KIAA0825: variants seen among roughly 807,000 people sequenced by gnomAD.
KIAA0825 encodes KIAA0825.
Under a neutral mutation model 147.6 loss-of-function variants are expected in KIAA0825, and 119 were observed. The observed-to-expected ratio is 0.81, with a 90% CI of 0.69 to 0.94. The LOEUF (loss-of-function observed/expected upper bound fraction) is 0.94, where lower values mean the gene tolerates loss of function less well. KIAA0825 is among the 40% of genes least tolerant of loss of function. The pLI, the probability that KIAA0825 is intolerant of heterozygous loss-of-function variation, is 0.00. For missense variants in KIAA0825, 1,381 were observed against 1,472.7 expected, an observed-to-expected ratio of 0.94 and a Z score of 1.02; for synonymous variants, 470 against 518.1, an observed-to-expected ratio of 0.91 and a Z score of 1.26.
intron 20 of KIAA0825, among the ~76,000 whole-genome samples, chr5:94,355,457 G>A (rs377057536): frequency 5.9e-5 from 9 of 152,198 alleles, no homozygotes; most frequent in South Asian, 2.1e-4. Context: ...AGTAAGTCAC[G>A]ATATATAGAG....
At chr5:94,226,305 C>T (rs1213567990) in intron 20 of KIAA0825, among the ~76,000 whole-genome samples, 3 of 152,068 alleles carry the variant, frequency 2.0e-5, no homozygotes, top group African/African-American at 7.2e-5. Context: ...CAAATCAAAA[C>T]CACAATGAGA....
At chr5:94,439,680 T>G (rs758464808) in intron 14 of KIAA0825, among the ~76,000 whole-genome samples, 1 of 152,168 alleles carries the variant, frequency 6.6e-6, no homozygotes, top group Non-Finnish European at 1.5e-5. Context: ...ATAACTGCAG[T>G]CCTACAATTT....
chr5:94,464,094 C>CCCGT (rs1760188626), intron 11 of KIAA0825, among the ~76,000 whole-genome samples: 1 of 150,968 alleles, frequency 6.6e-6, no homozygotes, highest in South Asian at 2.1e-4. Context: ...AAGAAAGCCT[C>CCCGT]CCGTGTCTGT....
intron 20 of KIAA0825, among the ~76,000 whole-genome samples, chr5:94,227,355 C>T (rs1184400629): frequency 6.6e-6 from 1 of 151,572 alleles, no homozygotes; most frequent in Non-Finnish European, 1.5e-5. Context: ...AATGAGAACA[C>T]ATGGACACAG....
intron 14 of KIAA0825, 111 bp from the exon 15 acceptor site, chr5:94,417,476 T>G: frequency 1.2e-6 from 1 of 811,122 alleles, no homozygotes; most frequent in Non-Finnish European, 1.8e-6. Context: ...TGGTTTTTAA[T>G]AAGATTTACA....
At chr5:94,305,372 T>C (rs911687624) in intron 20 of KIAA0825, among the ~76,000 whole-genome samples, 1 of 151,926 alleles carries the variant, frequency 6.6e-6, no homozygotes, top group Non-Finnish European at 1.5e-5. Flanking sequence ...CATATGACTA[T>C]GGTACCATCA....
chr5:94,265,118 A>G (rs1562340620), intron 20 of KIAA0825, among the ~76,000 whole-genome samples: 1 of 152,158 alleles, frequency 6.6e-6, no homozygotes, highest in Non-Finnish European at 1.5e-5. Context: ...GTTCAGCGAT[A>G]TGAAATTGCC....
At chr5:94,584,261 T>A (rs1649108166) in intron 1 of KIAA0825, among the ~76,000 whole-genome samples, 1 of 152,184 alleles carries the variant, frequency 6.6e-6, no homozygotes, top group Non-Finnish European at 1.5e-5. Context: ...GAGCATGTTC[T>A]AACCCATCGC....
chr5:94,506,786 T>C (rs1426507113), intron 5 of KIAA0825, among the ~76,000 whole-genome samples: 1 of 152,246 alleles, frequency 6.6e-6, no homozygotes, highest in Non-Finnish European at 1.5e-5. Flanking sequence ...TCTCTATCTT[T>C]GGATAGAATA....
intron 5 of KIAA0825, among the ~76,000 whole-genome samples, chr5:94,490,763 A>G (rs1763642361): frequency 6.6e-6 from 1 of 152,180 alleles, no homozygotes; most frequent in African/African-American, 2.4e-5. Flanking sequence ...CACGTAAAGA[A>G]TATAGACTAC....
At chr5:94,405,595 C>A (rs1324989419) in intron 15 of KIAA0825, among the ~76,000 whole-genome samples, 1 of 152,122 alleles carries the variant, frequency 6.6e-6, no homozygotes, top group Admixed American at 6.6e-5. Flanking sequence ...AAATTAGTTT[C>A]TTTGATGCTT....
chr5:94,575,783 G>A (rs1208802079), intron 2 of KIAA0825, among the ~76,000 whole-genome samples: 1 of 152,194 alleles, frequency 6.6e-6, no homozygotes, highest in Non-Finnish European at 1.5e-5. Context: ...TACACATGCC[G>A]GCCTTTGGCT....
At chr5:94,441,970 T>G (rs1346667936) in intron 13 of KIAA0825, among the ~76,000 whole-genome samples, 3 of 152,218 alleles carry the variant, frequency 2.0e-5, no homozygotes, top group African/African-American at 7.2e-5. Context: ...AACTAAAGTT[T>G]TATCTGTTCA....
chr5:94,554,938 T>A (rs1233446917), intron 2 of KIAA0825, among the ~76,000 whole-genome samples: 1 of 151,426 alleles, frequency 6.6e-6, no homozygotes, highest in Non-Finnish European at 1.5e-5. Flanking sequence ...ATAAATTGCC[T>A]CTCTATATAG....
intron 5 of KIAA0825, among the ~76,000 whole-genome samples, chr5:94,494,261 T>A (rs937723487): frequency 1.1e-4 from 16 of 152,094 alleles, no homozygotes; most frequent in Middle Eastern, 3.4e-3. Context: ...AAATCTGACT[T>A]CTTGCTCATT....
intron 20 of KIAA0825, among the ~76,000 whole-genome samples, chr5:94,232,142 T>C (rs1774745842): frequency 6.6e-6 from 1 of 152,094 alleles, no homozygotes; most frequent in Non-Finnish European, 1.5e-5. Context: ...TTGTAGGCAT[T>C]CATTTAAGAA....
At chr5:94,262,610 A>C (rs1365277607) in intron 20 of KIAA0825, among the ~76,000 whole-genome samples, 1 of 152,214 alleles carries the variant, frequency 6.6e-6, no homozygotes, top group Non-Finnish European at 1.5e-5. Flanking sequence ...AAAAAAGAGT[A>C]AGATGGATCT....
chr5:94,504,699 T>A (rs948692490), intron 5 of KIAA0825, among the ~76,000 whole-genome samples: 2 of 151,808 alleles, frequency 1.3e-5, no homozygotes, highest in Non-Finnish European at 2.9e-5. Flanking sequence ...GTATTTATTA[T>A]AAATCAAAGT....
intron 18 of KIAA0825, among the ~76,000 whole-genome samples, chr5:94,391,291 A>G (rs29917): frequency 0.13 from 20,144 of 152,206 alleles, 1,427 homozygotes; most frequent in South Asian, 0.18. Flanking sequence ...TCAGAACTGA[A>G]CTGAGTTTAT....
Sources: gnomAD v4.1 joint callset for allele counts (sites outside exome capture counted in the v4.1 genomes callset) on GRCh38, gnomAD v4.1.1 for gene constraint, MANE v1.5 for transcripts, NCBI Gene and HGNC (gene_info 2026-07-23, HGNC 2026-07-21) for gene names.